Variants in CBR4 observed in about 807,000 individuals in gnomAD.
CBR4 encodes 3-oxoacyl-[acyl-carrier-protein] reductase.
CBR4 carries 22 observed loss-of-function variants against 21.0 expected under a neutral mutation model. The observed-to-expected ratio is 1.05, with a 90% confidence interval of 0.75 to 1.50. The LOEUF (loss-of-function observed/expected upper bound fraction) is 1.50. Ranked by LOEUF, CBR4 falls within the 40% of genes most tolerant of loss-of-function variation. The pLI is 0.00. For missense variants in CBR4, 302 were observed against 286.3 expected (o/e 1.05, Z -0.40); for synonymous variants, 100 against 104.4 (o/e 0.96, Z 0.26).
intron 2 of CBR4, chr4:168,925,474 C>T (rs535380079): frequency 4.7e-5 from 28 of 599,504 alleles, no homozygotes; most frequent in Non-Finnish European, 6.9e-5. Context: ...TATATTCTAT[C>T]GCAGTGTCCT....
intron 2 of CBR4, chr4:168,925,179 GTGTTT>G: frequency 1.3e-6 from 2 of 1,580,308 alleles, no homozygotes; most frequent in Non-Finnish European, 1.7e-6. Flanking sequence ...AACAACTATT[GTGTTT>G]TATTTGTCAA....
exon 3 of CBR4, chr4:168,894,746 T>C: frequency 6.4e-7 from 1 of 1,568,648 alleles, no homozygotes. Context: ...TCCTTATGGA[T>C]ACTGTTCTTG....
At chr4:168,956,088 C>T (rs1267272294) in intron 2 of CBR4, among the ~76,000 whole-genome samples, 2 of 152,166 alleles carry the variant, frequency 1.3e-5, no homozygotes, top group Non-Finnish European at 2.9e-5. Context: ...CAATATAGAT[C>T]AGAGTTAACA....
At position 168,987,894 on chromosome 4, in the gene CBR4, C is replaced by T; in HGVS notation, c.*2256G>A. 1 of 981,506 alleles carries T rather than the reference C, an allele frequency of 1.0e-6. No individual in the cohort carries two copies. The highest frequency in any genetic ancestry group is 4.7e-5 in the South Asian group (1 of 21,204). The allele number at this position is 981,506 out of a possible 1,614,324, so 60.8% of individuals were successfully genotyped here. On this transcript the variant is annotated 3_prime_UTR_variant, in exon 5 of 5. Transcript: ENST00000306193. ...AATATGAATAAAATATGAAAAAGAG[C>T]ACAAATTTTAAAGCCCTCCATGCAA...
Position 168,905,230 on chromosome 4 carries a change from A to G in CBR4, n.170-10465T>C, listed in dbSNP as rs183061594. On this transcript the variant is annotated intron_variant and non_coding_transcript_variant, in intron 2 of 3. Coordinates refer to the CBR4 transcript ENST00000509108. ...CAGTGGCGCGATCTCGGCTCACTGC[A>G]AGCTCCGCCTCCTGCGTTCACACCA... is the stretch of plus-strand genomic sequence containing the variant. Among the ~76,000 whole-genome samples, 937 of 131,018 alleles carry G rather than the reference A, an allele frequency of 7.2e-3. 10 individuals carry two copies. Among genetic ancestry groups the G allele is most frequent in the African/African-American group, 0.025 (880 of 35,454 alleles). The allele number at this position is 131,018 out of a possible 152,430, so 86.0% of individuals were successfully genotyped here. A position where few individuals can be genotyped will look rare whatever the true frequency, so the allele number is the denominator to read the frequency against.
At chr4:169,000,783 T>C (rs1010378096) in intron 4 of CBR4, among the ~76,000 whole-genome samples, 9 of 152,182 alleles carry the variant, frequency 5.9e-5, no homozygotes, top group African/African-American at 2.2e-4. Context: ...TTTTGAGTTT[T>C]AGCACCTTTT....
At chr4:168,971,486 C>A (rs936938654) in intron 2 of CBR4, among the ~76,000 whole-genome samples, 2 of 144,894 alleles carry the variant, frequency 1.4e-5, no homozygotes, top group South Asian at 4.4e-4. Context: ...AGGGTTTCAC[C>A]ATGTTGGCCC....
chr4:168,962,405 A>T (rs1356580159), intron 2 of CBR4, among the ~76,000 whole-genome samples: 5 of 152,212 alleles, frequency 3.3e-5, no homozygotes, highest in Non-Finnish European at 7.3e-5. Flanking sequence ...GGGTTAGAAG[A>T]ACTCAAGGTT....
In CBR4 at chr4:168,960,356, T is replaced by C. The variant is rs140202937; in HGVS notation, n.169+41715A>G. Reference sequence around the variant, plus strand: ...ACAAGGGAGGAGAAACATGGAACCATATAACAAATACTACATAAGCTCACA... The same window carrying C: ...ACAAGGGAGGAGAAACATGGAACCACATAACAAATACTACATAAGCTCACA... On this transcript the variant is annotated intron_variant and non_coding_transcript_variant, in intron 2 of 3. Coordinates refer to the CBR4 transcript ENST00000509108. Among the ~76,000 whole-genome samples, 733 of 152,290 alleles carry C rather than the reference T, an allele frequency of 4.8e-3. 6 individuals carry two copies. The highest frequency in any genetic ancestry group is 5.5e-3 in the Admixed American group (84 of 15,306).
intron 4 of CBR4, among the ~76,000 whole-genome samples, chr4:169,000,953 A>G (rs1159027204): frequency 6.6e-6 from 1 of 152,154 alleles, no homozygotes; most frequent in African/African-American, 2.4e-5. Context: ...GTAATGATAT[A>G]AAGAAAATCT....
intron 2 of CBR4, among the ~76,000 whole-genome samples, chr4:168,970,437 T>C (rs1377894142): frequency 6.6e-6 from 1 of 152,248 alleles, no homozygotes; most frequent in African/African-American, 2.4e-5. Context: ...TTTTGTTTTA[T>C]GTCCTCATCA....
chr4:169,008,502 C>G (rs1277848072), intron 1 of CBR4, among the ~76,000 whole-genome samples: 1 of 152,014 alleles, frequency 6.6e-6, no homozygotes, highest in Non-Finnish European at 1.5e-5. Context: ...TCTGTCTGAC[C>G]TTGATAAATA....
In CBR4 at chr4:169,005,842, T is replaced by G. The variant is rs764062965; in HGVS notation, c.400+913A>C. ...AAACAGAAAAACTCTAAATTCTGGC[T>G]TGAAAAACCATTTCCTACATTTAAA... is the stretch of plus-strand genomic sequence containing the variant. On this transcript the variant is annotated intron_variant, in intron 3 of 4. Coordinates refer to ENST00000306193, the MANE Select transcript of CBR4 (RefSeq NM_032783.5). 5.0e-5 allele frequency: 64 copies of G among 1,269,730 alleles called. 3 individuals carry two copies. The South Asian group carries it at 7.6e-4, about 15-fold the overall frequency. The allele number at this position is 1,269,730 out of a possible 1,614,324, so 78.7% of individuals were successfully genotyped here.
rs138569728 is a variant in CBR4 at position 168,942,257 on chromosome 4, G to A, written n.170-47492C>T. ...GGGGGGTGGGGAGCAAGGGGAGGGA[G>A]AGCATTAGAACAAATACCTAATGCA... On this transcript the variant is annotated intron_variant and non_coding_transcript_variant, in intron 2 of 3. Transcript: ENST00000509108. Among the ~76,000 whole-genome samples the A allele has an allele frequency of 1.4e-3, 212 of 152,060 alleles. 2 individuals are homozygous for A. In the East Asian group the frequency reaches 0.036, roughly 26 times the overall value.
chr4:168,996,353 G>T (rs1361073938), intron 4 of CBR4, among the ~76,000 whole-genome samples: 1 of 151,892 alleles, frequency 6.6e-6, no homozygotes, highest in African/African-American at 2.4e-5. Context: ...GGAATTTTAG[G>T]TTTACAGAAA....
Position 169,010,175 on chromosome 4 carries a change from CAAA to C in CBR4, c.-89_-87del, listed in dbSNP as rs67305871. The stretch of plus-strand genomic sequence containing the variant: ...TCAGGCTTTTAAACAACCGCGGTTC[CAAA>C]AAAAAAAAAAAGAAAAAAAAAGGCA... On this transcript the variant is annotated 5_prime_UTR_variant, in exon 1 of 5. Coordinates refer to ENST00000306193, the MANE Select transcript of CBR4 (RefSeq NM_032783.5). 4,302 of 654,080 alleles carry C rather than the reference CAAA, an allele frequency of 6.6e-3. No individual in the cohort carries two copies. The highest frequency in any genetic ancestry group is 0.011 in the South Asian group (216 of 19,986). The allele number at this position is 654,080 out of a possible 1,614,324, so 40.5% of individuals were successfully genotyped here.
intron 2 of CBR4, among the ~76,000 whole-genome samples, chr4:168,920,389 C>G (rs1761210105): frequency 6.6e-6 from 1 of 152,152 alleles, no homozygotes; most frequent in Admixed American, 6.5e-5. Context: ...TATCACGTAG[C>G]AGGAATGGAA....
At chr4:168,949,546 T>C (rs1763482144) in intron 2 of CBR4, among the ~76,000 whole-genome samples, 1 of 152,180 alleles carries the variant, frequency 6.6e-6, no homozygotes, top group Non-Finnish European at 1.5e-5. Flanking sequence ...GTCCCTTGTA[T>C]GCTGATTTTG....
chr4:168,989,457 A>C lies in CBR4; in HGVS notation c.*693T>G. On this transcript the variant is annotated 3_prime_UTR_variant, in exon 5 of 5. Coordinates refer to ENST00000306193, the MANE Select transcript of CBR4 (RefSeq NM_032783.5). ...AATCAAGAGAAATACCACTCAAAGA[A>C]ATCAATTCTAAATTCATGTCTTTAA... The C allele has an allele frequency of 2.0e-6, 2 of 985,414 alleles. No homozygotes were observed. The highest frequency in any genetic ancestry group is 9.4e-5 in the South Asian group (2 of 21,292). 61.0% of individuals were successfully genotyped at this position (985,414 alleles called of 1,614,324 possible).
Sources: allele counts gnomAD v4.1 joint callset (sites outside exome capture counted in the v4.1 genomes callset), GRCh38; gene constraint gnomAD v4.1.1; transcripts MANE v1.5; gene names NCBI Gene and HGNC (gene_info 2026-07-23, HGNC 2026-07-21).